Variants in ANKFN1 observed in about 807,000 individuals in gnomAD.
The protein encoded by ANKFN1 is ankyrin repeat and fibronectin type III domain containing 1.
ANKFN1 carries 74 observed loss-of-function variants against 108.7 expected under a neutral mutation model. The ratio of observed to expected loss-of-function variants is 0.68; its 90% CI spans 0.56 to 0.83. The LOEUF is 0.83. Ranked by LOEUF, ANKFN1 falls within the 40% of genes least tolerant of loss-of-function variation. ANKFN1 has a pLI of 0.00. For synonymous variants in ANKFN1, 547 were observed against 516.2 expected (o/e 1.06, Z -0.81); for missense variants, 1,505 against 1,382.3 (o/e 1.09, Z -1.41).
chr17:56,124,030 C>T (rs1906781810), intron 4 of ANKFN1, among the ~76,000 whole-genome samples: 1 of 152,100 alleles, frequency 6.6e-6, no homozygotes, highest in Non-Finnish European at 1.5e-5. Context: ...CCATGGTGCG[C>T]AGAAAACCAA....
chr17:56,135,146 A>T (rs1358827223), intron 4 of ANKFN1, among the ~76,000 whole-genome samples: 2 of 152,228 alleles, frequency 1.3e-5, no homozygotes, highest in Non-Finnish European at 2.9e-5. Flanking sequence ...TAAAAAATAA[A>T]ATAAATCAAA....
chr17:56,503,047 A>G (rs7212591), intron 20 of ANKFN1, among the ~76,000 whole-genome samples: 133,697 of 152,130 alleles, frequency 0.88, 58,843 homozygotes, highest in East Asian at 0.97. Flanking sequence ...CAAGGCAGGG[A>G]GTGGAATGAT....
At chr17:56,383,611 G>C (rs2047170828) in intron 8 of ANKFN1, among the ~76,000 whole-genome samples, 1 of 151,776 alleles carries the variant, frequency 6.6e-6, no homozygotes, top group East Asian at 1.9e-4. Flanking sequence ...GAAGAGAGAA[G>C]AATCAAATAG....
intron 3 of ANKFN1, among the ~76,000 whole-genome samples, chr17:56,309,866 T>TC (rs2044959181): frequency 6.6e-6 from 1 of 152,254 alleles, no homozygotes; most frequent in South Asian, 2.1e-4. Flanking sequence ...TATTGCACTC[T>TC]CTTCACCTTT....
intron 4 of ANKFN1, among the ~76,000 whole-genome samples, chr17:56,146,518 G>A (rs150499845): frequency 6.6e-6 from 1 of 152,170 alleles, no homozygotes; most frequent in Non-Finnish European, 1.5e-5. Context: ...CAATTTTTAA[G>A]GTTCCCAAAC....
rs150218476 is a variant in ANKFN1, at chr17:56,095,293, CT to C, written c.288+48982del. ...ACCCAGCTGCTTGTTGAATGCTTTA[CT>C]TTTTTTTTTTTTTCTGATACGTGGT... On this transcript the variant is annotated intron_variant, in intron 4 of 12. Transcript: ENST00000635860. 1.6e-3 allele frequency among the ~76,000 whole-genome samples: 221 copies of C among 138,640 alleles called. 4 individuals carry two copies. The highest frequency in any genetic ancestry group is 2.6e-3 in the South Asian group (11 of 4,308). 91.0% of individuals were successfully genotyped at this position (138,640 alleles called of 152,430 possible).
chr17:56,185,577 A>G (rs982066630), intron 1 of ANKFN1, among the ~76,000 whole-genome samples: 15 of 152,190 alleles, frequency 9.9e-5, no homozygotes, highest in Non-Finnish European at 2.1e-4. Flanking sequence ...AGTGGGACCT[A>G]TAAAACTTGT....
Position 56,249,447 on chromosome 17 carries a change from A to T in ANKFN1, c.53+21490A>T, listed in dbSNP as rs187237824. 7.8e-3 allele frequency among the ~76,000 whole-genome samples: 1,187 copies of T among 152,194 alleles called. 8 individuals are homozygous for T. The highest frequency in any genetic ancestry group is 0.011 in the Non-Finnish European group (780 of 68,010). ...AGACTCTGTCTCAAAAAAATAAAAA[A>T]AAAAAAGTCAAATTAATTTCTCATC... On this transcript the variant is annotated intron_variant, in intron 3 of 20. Transcript: ENST00000682825.
intron 3 of ANKFN1, among the ~76,000 whole-genome samples, chr17:56,276,776 C>T (rs980218061): frequency 6.6e-6 from 1 of 152,062 alleles, no homozygotes; most frequent in African/African-American, 2.4e-5. Context: ...TATTCTTATT[C>T]CTTTTCCCAC....
intron 4 of ANKFN1, among the ~76,000 whole-genome samples, chr17:56,145,608 C>G (rs1005902088): frequency 6.6e-6 from 1 of 152,146 alleles, no homozygotes; most frequent in Non-Finnish European, 1.5e-5. Flanking sequence ...GATTCAATTA[C>G]CTCCACCTCG....
chr17:56,467,847 AAAGAAAAAGG>A (rs2050180940), intron 15 of ANKFN1, among the ~76,000 whole-genome samples: 2 of 23,168 alleles, frequency 8.6e-5, no homozygotes, highest in Non-Finnish European at 1.9e-4. Context: ...AGAAAGAAAG[AAAGAAAAAGG>A]GAAAGAAAGA....
chr17:56,386,422 G>A (rs1167469332), intron 8 of ANKFN1, among the ~76,000 whole-genome samples: 5 of 151,570 alleles, frequency 3.3e-5, no homozygotes, highest in Admixed American at 6.6e-5. Context: ...GTATACATAT[G>A]TAACTAACCT....
At chr17:56,218,208 CCA>C (rs1221944140) in intron 2 of ANKFN1, among the ~76,000 whole-genome samples, 137 of 141,752 alleles carry the variant, frequency 9.7e-4, no homozygotes, top group Non-Finnish European at 1.5e-3. Context: ...TCTCTCTTCC[CCA>C]CCCTCCCTCC....
At chr17:56,121,878 C>T (rs1028694137) in intron 4 of ANKFN1, among the ~76,000 whole-genome samples, 1 of 152,116 alleles carries the variant, frequency 6.6e-6, no homozygotes, top group African/African-American at 2.4e-5. Context: ...AGACGTGAAG[C>T]CTTTGGTTTC....
At chr17:56,072,998 CTT>C (rs111262166) in intron 4 of ANKFN1, among the ~76,000 whole-genome samples, 1 of 147,180 alleles carries the variant, frequency 6.8e-6, no homozygotes, top group Non-Finnish European at 1.5e-5. Context: ...TTATTATTTT[CTT>C]TTTTTTTTTT....
intron 1 of ANKFN1, among the ~76,000 whole-genome samples, chr17:56,187,133 T>C (rs1912294156): frequency 6.6e-6 from 1 of 152,074 alleles, no homozygotes; most frequent in Non-Finnish European, 1.5e-5. Flanking sequence ...GAAACTACCA[T>C]CAGAGTGAAC....
rs551355182 is a variant in ANKFN1 at position 56,249,441 on chromosome 17, T to TA, written c.53+21496dup. Among the ~76,000 whole-genome samples, 136 of 128,608 alleles carry TA rather than the reference T, an allele frequency of 1.1e-3. No individual in the cohort carries two copies. The East Asian group carries it at 0.017, about 16-fold the overall frequency. The allele number at this position is 128,608 out of a possible 152,430, so 84.4% of individuals were successfully genotyped here. Reference sequence around the variant, plus strand: ...AGAGCAAGACTCTGTCTCAAAAAAATAAAAAAAAAAAAGTCAAATTAATTT... The same window carrying TA: ...AGAGCAAGACTCTGTCTCAAAAAAATAAAAAAAAAAAAAGTCAAATTAATTT... On this transcript the variant is annotated intron_variant, in intron 3 of 20. Coordinates refer to ENST00000682825, the MANE Select transcript of ANKFN1 (RefSeq NM_001370326.1).
In ANKFN1 at chr17:56,053,163, A is replaced by G. The variant is rs1298138843; in HGVS notation, c.288+6838A>G. On this transcript the variant is annotated intron_variant, in intron 4 of 12. Transcript: ENST00000635860. The stretch of plus-strand genomic sequence containing the variant: ...TATTATTTTACTTTTTTTATTTCTA[A>G]TATTTGTGGGTACATAGGAAGTGTA... Among the ~76,000 whole-genome samples the G allele has an allele frequency of 7.9e-5, 12 of 152,088 alleles. No homozygotes were observed. In the East Asian group the frequency reaches 1.9e-3, roughly 24 times the overall value.
At chr17:56,065,130 C>T (rs535457275) in intron 4 of ANKFN1, among the ~76,000 whole-genome samples, 1 of 152,136 alleles carries the variant, frequency 6.6e-6, no homozygotes, top group African/African-American at 2.4e-5. Flanking sequence ...TCAATGGGAG[C>T]CTCAGATTGC....
Sources: allele counts gnomAD v4.1 joint callset (sites outside exome capture counted in the v4.1 genomes callset), GRCh38; gene constraint gnomAD v4.1.1; transcripts MANE v1.5; gene names NCBI Gene and HGNC (gene_info 2026-07-23, HGNC 2026-07-21).